DDR2: variants seen among roughly 807,000 people sequenced by gnomAD.
The protein encoded by DDR2 is discoidin domain receptor tyrosine kinase 2.
A neutral mutation model predicts 94.9 loss-of-function variants in DDR2; 27 were observed. That is an observed-to-expected ratio of 0.28 (90% confidence interval 0.21 to 0.39). The LOEUF is 0.39. Ranked by LOEUF, DDR2 falls within the 10% of genes least tolerant of loss-of-function variation. DDR2 has a pLI of 1.00. For synonymous variants in DDR2, 382 were observed against 377.2 expected (o/e 1.01, Z -0.15); for missense variants, 783 against 1,076.0 (o/e 0.73, Z 3.81).
intron 16 of DDR2, among the ~76,000 whole-genome samples, chr1:162,777,177 C>A (rs1647612749): frequency 1.3e-5 from 2 of 151,964 alleles, no homozygotes; most frequent in Non-Finnish European, 2.9e-5. Context: ...CCAGGATAAC[C>A]ACTATCAATA....
intron 8 of DDR2, among the ~76,000 whole-genome samples, chr1:162,760,275 G>A (rs886247001): frequency 6.6e-5 from 10 of 151,254 alleles, no homozygotes; most frequent in African/African-American, 1.9e-4. Flanking sequence ...TTTTTAAGAC[G>A]CATAAAAATG....
At chr1:162,717,198 G>T (rs373291129) in intron 2 of DDR2, among the ~76,000 whole-genome samples, 2 of 152,002 alleles carry the variant, frequency 1.3e-5, no homozygotes, top group South Asian at 4.2e-4. Context: ...ACCAAGCCTC[G>T]CTAATTTTTG....
At chr1:162,728,161 AATAT>A (rs1156917506) in intron 3 of DDR2, among the ~76,000 whole-genome samples, 1 of 137,700 alleles carries the variant, frequency 7.3e-6, no homozygotes, top group Non-Finnish European at 1.6e-5. Context: ...TATCTATATA[AATAT>A]ATAGATAGAT....
chr1:162,761,180 C>A (rs765289695), intron 8 of DDR2, 31 bp from the exon 9 acceptor site: 1 of 1,613,560 alleles, frequency 6.2e-7, no homozygotes, highest in Non-Finnish European at 8.5e-7. Context: ...GCAGGGCCAA[C>A]CTATCACTCA....
In DDR2 at chr1:162,651,383, T is replaced by G. The variant is rs115676962; in HGVS notation, c.-191-3828T>G. Among the ~76,000 whole-genome samples, 544 of 152,328 alleles carry G rather than the reference T, an allele frequency of 3.6e-3. 1 individual carries two copies. The highest frequency in any genetic ancestry group is 0.013 in the African/African-American group (520 of 41,570). On this transcript the variant is annotated intron_variant, in intron 1 of 17. Coordinates refer to ENST00000367921, the MANE Select transcript of DDR2 (RefSeq NM_006182.4). Reference sequence around the variant, plus strand: ...TCAAATTGTTCCCTTTTCTTAGACTTTTGTCTGCATTCTTTCTATCTGACA... The same window carrying G: ...TCAAATTGTTCCCTTTTCTTAGACTGTTGTCTGCATTCTTTCTATCTGACA...
chr1:162,772,127 C>T lies in DDR2; in HGVS notation c.1608C>T (p.Asn536=), dbSNP rs1418621854. The T allele has an allele frequency of 1.2e-6, 2 of 1,614,068 alleles. No homozygotes were observed. The highest frequency in any genetic ancestry group is 1.3e-5 in the African/African-American group (1 of 74,916). Residue 536 remains asparagine, a synonymous_variant, in exon 13 of 18, where the codon AAC becomes AAT. Coordinates refer to ENST00000367921, the MANE Select transcript of DDR2 (RefSeq NM_006182.4). ...IVNLQGVTGG[N]TYSVPAVTMD... is the part of the protein sequence containing the mutation. ...ACCTCCAAGGAGTGACAGGAGGCAACACATACTCAGTGCCTGCCGTCACCA... is the reference window on the plus strand; with the variant it reads ...ACCTCCAAGGAGTGACAGGAGGCAATACATACTCAGTGCCTGCCGTCACCA...
chr1:162,723,193 T>G (rs1052425809), intron 3 of DDR2, among the ~76,000 whole-genome samples: 2 of 152,126 alleles, frequency 1.3e-5, no homozygotes, highest in Non-Finnish European at 2.9e-5. Flanking sequence ...CATTTCAGGC[T>G]GAAGATATAG....
chr1:162,666,955 A>AAT (rs765426746), intron 2 of DDR2, among the ~76,000 whole-genome samples: 277 of 148,430 alleles, frequency 1.9e-3, no homozygotes, highest in African/African-American at 3.0e-3. Flanking sequence ...CAAACTCATA[A>AAT]ATATATATAT....
rs1647983868 is a variant in DDR2 at position 162,782,909 on chromosome 1, AG to A, written c.*2664del. The A allele has an allele frequency of 3.9e-5, 6 of 152,202 alleles. No individual in the cohort carries two copies. Among genetic ancestry groups the A allele is most frequent in the Non-Finnish European group, 7.3e-5 (5 of 68,038 alleles). The allele number at this position is 152,202 out of a possible 1,614,324, so 9.4% of individuals were successfully genotyped here. ...AGGAAGGCTTCAACTTCTGGCACTG[AG>A]AACTTTGTATTACAGACACAGGTTT... On this transcript the variant is annotated 3_prime_UTR_variant, in exon 18 of 18. Coordinates refer to ENST00000367921, the MANE Select transcript of DDR2 (RefSeq NM_006182.4).
At chr1:162,742,115 AG>A (rs1327355634) in intron 3 of DDR2, among the ~76,000 whole-genome samples, 5 of 152,240 alleles carry the variant, frequency 3.3e-5, no homozygotes, top group African/African-American at 1.2e-4. Context: ...TTAAGATTCA[AG>A]CATAATGATT....
At chr1:162,657,526 A>T (rs949481430) in intron 2 of DDR2, among the ~76,000 whole-genome samples, 5 of 152,180 alleles carry the variant, frequency 3.3e-5, no homozygotes, top group African/African-American at 1.2e-4. Context: ...CCTGCTTTTC[A>T]AAGATCTTGC....
At chr1:162,749,518 C>A (rs1228464958) in intron 3 of DDR2, among the ~76,000 whole-genome samples, 2 of 152,168 alleles carry the variant, frequency 1.3e-5, no homozygotes, top group African/African-American at 4.8e-5. Flanking sequence ...TAATTAATAG[C>A]CTACCAACCA....
chr1:162,751,141 C>G (rs1663173098), intron 3 of DDR2, among the ~76,000 whole-genome samples: 1 of 152,100 alleles, frequency 6.6e-6, no homozygotes, highest in African/African-American at 2.4e-5. Flanking sequence ...CCAAAATTGA[C>G]AAATGGGATC....
intron 2 of DDR2, among the ~76,000 whole-genome samples, chr1:162,691,567 T>C (rs575862883): frequency 6.6e-6 from 1 of 152,316 alleles, no homozygotes; most frequent in South Asian, 2.1e-4. Context: ...GTGACAGCAA[T>C]ATAGAGATGA....
Position 162,761,371 on chromosome 1 carries a change from A to C in DDR2, c.1016A>C (p.His339Pro). The C allele has an allele frequency of 6.2e-7, 1 of 1,614,180 alleles. No individual in the cohort carries two copies. Among genetic ancestry groups the C allele is most frequent in the Non-Finnish European group, 8.5e-7 (1 of 1,180,022 alleles). ...PSARFVTVPL[H>P]HRMASAIKCQ... ...GCTCGGTTTGTCACGGTGCCTCTCC[A>C]CCACCGAATGGCCAGTGCCATCAAG... Residue 339 changes from histidine (H) to proline (P), a missense_variant, in exon 9 of 18, where the codon CAC (histidine) becomes CCC (proline). By Grantham distance (77) the His-to-Pro change is moderately conservative. This residue lies in a region of DDR2 where 519 missense variants were observed against 647.9 expected (regional missense o/e 0.80). Transcript: ENST00000367921.
chr1:162,674,258 C>T (rs1659020248), intron 2 of DDR2, among the ~76,000 whole-genome samples: 1 of 152,132 alleles, frequency 6.6e-6, no homozygotes, highest in Non-Finnish European at 1.5e-5. Context: ...GCTTGTTTCA[C>T]CCTCCAGAAC....
At chr1:162,774,588 TAG>T (rs1228476146) in intron 14 of DDR2, among the ~76,000 whole-genome samples, 1 of 152,176 alleles carries the variant, frequency 6.6e-6, no homozygotes, top group Admixed American at 6.5e-5. Flanking sequence ...CTGGGTCTTA[TAG>T]AGAGACGAAG....
chr1:162,702,963 C>G (rs954490666), intron 2 of DDR2, among the ~76,000 whole-genome samples: 6 of 152,106 alleles, frequency 3.9e-5, no homozygotes, highest in African/African-American at 1.4e-4. Context: ...TTCTTTATCA[C>G]CTAGCATATT....
chr1:162,771,778 T>C (rs1265251407), intron 12 of DDR2, among the ~76,000 whole-genome samples: 1 of 152,172 alleles, frequency 6.6e-6, no homozygotes, highest in Non-Finnish European at 1.5e-5. Context: ...TTCCACAAGT[T>C]TAGCCACAGA....
Sources: gnomAD v4.1 joint callset for allele counts (sites outside exome capture counted in the v4.1 genomes callset) on GRCh38, gnomAD v4.1.1 for gene constraint, gnomAD v4.1.1 regional missense constraint, MANE v1.5 for transcripts, NCBI Gene and HGNC (gene_info 2026-07-23, HGNC 2026-07-21) for gene names.